TCF7L2: variants seen among roughly 807,000 people sequenced by gnomAD.
The protein encoded by TCF7L2 is transcription factor 7 like 2, also known as transcription factor 7-like 2.
Under a neutral mutation model 77.9 loss-of-function variants are expected in TCF7L2, and 23 were observed. That is an observed-to-expected ratio of 0.30 (90% CI 0.21 to 0.42). The LOEUF (loss-of-function observed/expected upper bound fraction) is 0.42. Ranked by LOEUF, TCF7L2 falls within the 10% of genes least tolerant of loss-of-function variation. The probability of loss-of-function intolerance (pLI) is 1.00; values close to 1 mark genes in which losing one functional copy is unlikely to be tolerated. For synonymous variants in TCF7L2, 413 were observed against 340.2 expected (o/e 1.21, Z -2.36); for missense variants, 654 against 793.1 (o/e 0.82, Z 2.11).
At chr10:113,043,382 A>G (rs1404457412) in intron 5 of TCF7L2, among the ~76,000 whole-genome samples, 1 of 152,254 alleles carries the variant, frequency 6.6e-6, no homozygotes, top group African/African-American at 2.4e-5. Flanking sequence ...AACTTATCAA[A>G]TGATATTTAC....
chr10:112,995,523 G>A (rs1463240830), intron 4 of TCF7L2, among the ~76,000 whole-genome samples: 1 of 152,156 alleles, frequency 6.6e-6, no homozygotes, highest in Non-Finnish European at 1.5e-5. Context: ...ACCCTGAACT[G>A]TGCCGGTTCT....
At chr10:113,077,504 C>T (rs12251238) in intron 5 of TCF7L2, among the ~76,000 whole-genome samples, 35,036 of 151,918 alleles carry the variant, frequency 0.23, 4,412 homozygotes, top group South Asian at 0.31. Context: ...CCCCACTCTG[C>T]CTTCTCCCCC....
chr10:113,036,118 TCA>T lies in TCF7L2; in HGVS notation c.451-3906_451-3905del, dbSNP rs1171144321. Among the ~76,000 whole-genome samples, 5 of 3,202 alleles carry T rather than the reference TCA, an allele frequency of 1.6e-3. No homozygotes were observed. In the Admixed American group the frequency reaches 0.02, roughly 13 times the overall value. The allele number at this position is 3,202 out of a possible 152,430, so 2.1% of individuals were successfully genotyped here. On this transcript the variant is annotated intron_variant, in intron 4 of 13. Transcript: ENST00000627217. The stretch of plus-strand genomic sequence containing the variant: ...CGCCATATCATCATCATCATCACCA[TCA>T]TCATCATCATCATCATCATCATCAT...
intron 5 of TCF7L2, among the ~76,000 whole-genome samples, chr10:113,097,654 A>AAAAAAACAAAAAAAAAATAC (rs1564890089): frequency 7.7e-6 from 1 of 129,152 alleles, no homozygotes; most frequent in African/African-American, 3.0e-5. Flanking sequence ...CGGAAAAAAA[A>AAAAAAACAAAAAAAAAATAC]AAAAAAAAAA....
At chr10:113,058,827 C>A (rs1380219892) in intron 5 of TCF7L2, among the ~76,000 whole-genome samples, 1 of 152,176 alleles carries the variant, frequency 6.6e-6, no homozygotes, top group African/African-American at 2.4e-5. Context: ...AGCGTTGCTG[C>A]TTTTATTCCT....
At position 113,141,288 on chromosome 10, in the gene TCF7L2, C is replaced by T. The variant is rs2068325097; in HGVS notation, c.657C>T (p.His219=). The T allele has an allele frequency of 6.2e-7, 1 of 1,614,192 alleles. No homozygotes were observed. The highest frequency in any genetic ancestry group is 8.5e-7 in the Non-Finnish European group (1 of 1,180,032). ...TCACGCCGGGAAACCCACCTCCACA[C>T]TTACCAGCCGACGTAGACCCCAAAA... Residue 219 remains histidine (H), a synonymous_variant, in exon 6 of 14, where the codon CAC becomes CAT. Transcript: ENST00000627217.
At chr10:113,142,763 T>A (rs2068606459) in intron 6 of TCF7L2, among the ~76,000 whole-genome samples, 2 of 152,218 alleles carry the variant, frequency 1.3e-5, no homozygotes, top group African/African-American at 4.8e-5. Flanking sequence ...CTCATTTAAA[T>A]AATGGTAGTA....
At chr10:113,109,744 C>G (rs2062875915) in intron 5 of TCF7L2, among the ~76,000 whole-genome samples, 1 of 152,184 alleles carries the variant, frequency 6.6e-6, no homozygotes, top group Non-Finnish European at 1.5e-5. Context: ...GTTAAGCATC[C>G]TGACATCTGG....
chr10:112,962,448 C>T (rs2035505586), intron 3 of TCF7L2, among the ~76,000 whole-genome samples: 1 of 152,098 alleles, frequency 6.6e-6, no homozygotes, highest in Non-Finnish European at 1.5e-5. Context: ...GAAACCTGTC[C>T]CAGGCACAGA....
chr10:112,951,714 G>T (rs1258227462), intron 3 of TCF7L2, 107 bp downstream of exon 3: 2 of 405,606 alleles, frequency 4.9e-6, no homozygotes, highest in Non-Finnish European at 5.9e-6. Context: ...CCCCCTCCCC[G>T]CCTCCTCCCC....
At chr10:113,039,711 C>T (rs1042485975) in intron 4 of TCF7L2, among the ~76,000 whole-genome samples, 2 of 152,066 alleles carry the variant, frequency 1.3e-5, no homozygotes, top group South Asian at 2.1e-4. Context: ...ACCTCTCCCA[C>T]TCCCCTCCAG....
At chr10:113,119,984 GCTT>G (rs1424978620) in intron 5 of TCF7L2, among the ~76,000 whole-genome samples, 2 of 152,138 alleles carry the variant, frequency 1.3e-5, no homozygotes, top group African/African-American at 4.8e-5. Context: ...ATCAGTTAGC[GCTT>G]CTTCTTCCTT....
chr10:113,010,828 A>G (rs2046336559), intron 4 of TCF7L2, among the ~76,000 whole-genome samples: 1 of 152,198 alleles, frequency 6.6e-6, no homozygotes, highest in African/African-American at 2.4e-5. Flanking sequence ...AGCTTGGGCA[A>G]CAGGGTGAAA....
chr10:113,118,643 G>A (rs1250297001), intron 5 of TCF7L2, among the ~76,000 whole-genome samples: 4 of 87,442 alleles, frequency 4.6e-5, no homozygotes, highest in Non-Finnish European at 9.0e-5. Context: ...TGTTGGGGAA[G>A]TTTTTTTTTT....
chr10:113,085,958 G>A (rs544648027), intron 5 of TCF7L2, among the ~76,000 whole-genome samples: 6 of 152,310 alleles, frequency 3.9e-5, no homozygotes, highest in South Asian at 4.1e-4. Flanking sequence ...TGCCAGTGGC[G>A]GTGACAGGGA....
intron 5 of TCF7L2, among the ~76,000 whole-genome samples, chr10:113,124,684 T>A (rs927255270): frequency 2.0e-5 from 3 of 152,120 alleles, no homozygotes; most frequent in East Asian, 1.9e-4. Context: ...AAGCTGCAAA[T>A]TTTTAAGCTT....
chr10:113,139,358 C>T (rs568176380), intron 5 of TCF7L2, among the ~76,000 whole-genome samples: 2 of 152,314 alleles, frequency 1.3e-5, no homozygotes, highest in Admixed American at 6.5e-5. Flanking sequence ...CTGAGCAAAT[C>T]TTCCTCTTAA....
intron 5 of TCF7L2, among the ~76,000 whole-genome samples, chr10:113,084,825 G>C (rs1446116097): frequency 6.6e-6 from 1 of 151,906 alleles, no homozygotes; most frequent in Non-Finnish European, 1.5e-5. Flanking sequence ...GAACCCGGGA[G>C]GCGGAGGTTG....
At chr10:112,980,639 T>C (rs2040300179) in intron 4 of TCF7L2, among the ~76,000 whole-genome samples, 1 of 152,018 alleles carries the variant, frequency 6.6e-6, no homozygotes, top group African/African-American at 2.4e-5. Context: ...TTTTTTTTTT[T>C]TTGAAACGGA....
Sources: gnomAD v4.1 joint callset for allele counts (sites outside exome capture counted in the v4.1 genomes callset) on GRCh38, gnomAD v4.1.1 for gene constraint, MANE v1.5 for transcripts, NCBI Gene and HGNC (gene_info 2026-07-23, HGNC 2026-07-21) for gene names.